The following HDAC9 variants were observed in gnomAD, a reference collection of about 807,000 sequenced individuals.
The protein encoded by HDAC9 is histone deacetylase 9.
HDAC9 carries 41 observed loss-of-function variants against 139.4 expected under a neutral mutation model. That is an observed-to-expected ratio of 0.29 (90% confidence interval 0.23 to 0.38). HDAC9 has a LOEUF of 0.38. Ranked by LOEUF, HDAC9 falls within the 10% of genes least tolerant of loss-of-function variation. HDAC9 has a pLI of 1.00. For synonymous variants in HDAC9, 517 were observed against 476.2 expected (o/e 1.09, Z -1.12); for missense variants, 1,147 against 1,297.0 (o/e 0.88, Z 1.78).
intron 13 of HDAC9, among the ~76,000 whole-genome samples, chr7:18,747,273 C>G (rs1380853833): frequency 6.6e-6 from 1 of 151,976 alleles, no homozygotes; most frequent in Non-Finnish European, 1.5e-5. Flanking sequence ...TGTTGTGTGG[C>G]AAATGGAATA....
intron 2 of HDAC9, among the ~76,000 whole-genome samples, chr7:18,273,056 G>GGTTT: frequency 1.2e-5 from 1 of 84,784 alleles, no homozygotes; most frequent in Non-Finnish European, 2.2e-5. Flanking sequence ...CCCCTTCTTC[G>GGTTT]TTTTTTTTTT....
Position 18,601,735 on chromosome 7 carries a change from A to AT in HDAC9, c.664+7712dup, listed in dbSNP as rs1158352855. 2.0e-5 allele frequency among the ~76,000 whole-genome samples: 3 copies of AT among 152,120 alleles called. No individual in the cohort carries two copies. In the East Asian group the frequency reaches 5.8e-4, roughly 29 times the overall value. ...CTGTATCAACTGATATAATCGTACG[A>AT]TTTTTTAAAAAGCCATTTGATGTGA... On this transcript the variant is annotated intron_variant, in intron 6 of 25. Coordinates refer to ENST00000686413, the MANE Select transcript of HDAC9 (RefSeq NM_178425.4).
chr7:18,370,833 T>C (rs1346056440), intron 1 of HDAC9, among the ~76,000 whole-genome samples: 12 of 152,270 alleles, frequency 7.9e-5, no homozygotes, highest in South Asian at 4.1e-4. Flanking sequence ...CTGATTGGCA[T>C]TGATGGATGG....
At chr7:18,682,539 A>G (rs1385012814) in intron 12 of HDAC9, among the ~76,000 whole-genome samples, 1 of 152,048 alleles carries the variant, frequency 6.6e-6, no homozygotes, top group East Asian at 1.9e-4. Context: ...GAATGAATAT[A>G]TTTTTAATAT....
chr7:18,502,591 G>A (rs1458583997), intron 2 of HDAC9: 2 of 152,008 alleles, frequency 1.3e-5, no homozygotes, highest in African/African-American at 2.4e-5. Context: ...TTGAACTATG[G>A]GTGTTGACTT....
At chr7:18,244,117 A>G (rs1471587046) in intron 2 of HDAC9, among the ~76,000 whole-genome samples, 1 of 152,150 alleles carries the variant, frequency 6.6e-6, no homozygotes, top group African/African-American at 2.4e-5. Context: ...TTAAAATAAA[A>G]CGAGTAACTT....
intron 1 of HDAC9, among the ~76,000 whole-genome samples, chr7:18,345,699 C>G (rs1782360035): frequency 6.6e-6 from 1 of 151,690 alleles, no homozygotes; most frequent in African/African-American, 2.4e-5. Context: ...TTCATTTTAT[C>G]TTCTTGAGCC....
At chr7:18,980,913 T>G (rs189585007) in intron 25 of HDAC9, among the ~76,000 whole-genome samples, 310 of 151,796 alleles carry the variant, frequency 2.0e-3, no homozygotes, top group African/African-American at 7.1e-3. Flanking sequence ...AACCTCCACC[T>G]CCCGGGTTCA....
chr7:18,626,327 G>A (rs1352790920), intron 6 of HDAC9, among the ~76,000 whole-genome samples: 2 of 152,270 alleles, frequency 1.3e-5, no homozygotes, highest in East Asian at 3.9e-4. Flanking sequence ...CCACCAGCCT[G>A]TCCTGCCAGT....
At chr7:18,568,026 G>GTGTATATACATATATA (rs1384273199) in intron 2 of HDAC9, among the ~76,000 whole-genome samples, 1 of 126,814 alleles carries the variant, frequency 7.9e-6, no homozygotes, top group African/African-American at 3.1e-5. Flanking sequence ...ATATGTATAT[G>GTGTATATACATATATA]TATATATATA....
At chr7:18,606,747 G>A (rs1298285885) in intron 6 of HDAC9, among the ~76,000 whole-genome samples, 1 of 152,082 alleles carries the variant, frequency 6.6e-6, no homozygotes, top group African/African-American at 2.4e-5. Context: ...TTTGATAGAT[G>A]TAATCATTTA....
chr7:18,450,769 A>C (rs894157569), intron 1 of HDAC9, among the ~76,000 whole-genome samples: 17 of 152,172 alleles, frequency 1.1e-4, no homozygotes, highest in Admixed American at 2.6e-4. Context: ...TTTTTTAGGA[A>C]GAGGTGAAGC....
At chr7:18,409,276 G>C (rs191098504) in intron 1 of HDAC9, among the ~76,000 whole-genome samples, 1 of 152,274 alleles carries the variant, frequency 6.6e-6, no homozygotes, top group Admixed American at 6.5e-5. Flanking sequence ...TTCAAGGGGA[G>C]AGAGATGTAA....
At chr7:18,580,855 G>C (rs559326472) in intron 2 of HDAC9, among the ~76,000 whole-genome samples, 6 of 152,262 alleles carry the variant, frequency 3.9e-5, no homozygotes, top group Admixed American at 6.5e-5. Flanking sequence ...GGATGTAAAA[G>C]TGACCATAAC....
chr7:18,392,292 C>G (rs1172334688), intron 1 of HDAC9, among the ~76,000 whole-genome samples: 1 of 110,294 alleles, frequency 9.1e-6, no homozygotes, highest in Non-Finnish European at 1.8e-5. Flanking sequence ...CTCTCTCTGT[C>G]TCTCTCTCTC....
chr7:18,792,582 G>A (rs1249521613), intron 16 of HDAC9, among the ~76,000 whole-genome samples: 1 of 152,030 alleles, frequency 6.6e-6, no homozygotes, highest in African/African-American at 2.4e-5. Context: ...CCAGAATATT[G>A]GTACATGCTT....
chr7:18,659,317 T>C (rs1009147068), intron 11 of HDAC9, among the ~76,000 whole-genome samples: 1 of 152,152 alleles, frequency 6.6e-6, no homozygotes, highest in Non-Finnish European at 1.5e-5. Context: ...TTAGTGACAG[T>C]CTTTAATTAT....
At chr7:18,776,496 T>C (rs1233450905) in intron 16 of HDAC9, among the ~76,000 whole-genome samples, 1 of 152,046 alleles carries the variant, frequency 6.6e-6, no homozygotes, top group African/African-American at 2.4e-5. Flanking sequence ...GCAAATACAG[T>C]ACTGAACAAA....
At chr7:18,395,369 A>G (rs1345557550) in intron 1 of HDAC9, among the ~76,000 whole-genome samples, 3 of 152,196 alleles carry the variant, frequency 2.0e-5, no homozygotes, top group Non-Finnish European at 4.4e-5. Context: ...TTAAAGCAGT[A>G]TAATTAATTG....
Sources: allele counts gnomAD v4.1 joint callset (sites outside exome capture counted in the v4.1 genomes callset), GRCh38; gene constraint gnomAD v4.1.1; transcripts MANE v1.5; gene names NCBI Gene and HGNC (gene_info 2026-07-23, HGNC 2026-07-21).